The following JPH2 variants were observed in gnomAD, a reference collection of about 807,000 sequenced individuals.
JPH2 encodes junctophilin 2, also known as junctophilin-2.
A neutral mutation model predicts 55.9 loss-of-function variants in JPH2; 38 were observed. That is an observed-to-expected ratio of 0.68 (90% confidence interval 0.52 to 0.89). The LOEUF is 0.89. JPH2 is among the 40% of genes least tolerant of loss of function. The pLI is 0.00. For missense variants in JPH2, 964 were observed against 1,037.6 expected (o/e 0.93, Z 0.97); for synonymous variants, 480 against 472.4 (o/e 1.02, Z -0.21).
rs925270705 is a variant in JPH2 at position 44,109,638 on chromosome 20, C to T, written c.*3880G>A. Among the ~76,000 whole-genome samples, 1 of 152,156 alleles carries T rather than the reference C, an allele frequency of 6.6e-6. No individual in the cohort carries two copies. Among genetic ancestry groups the T allele is most frequent in the Non-Finnish European group, 1.5e-5 (1 of 68,032 alleles). ...GTCAGAGTTTTGCACAAAACAAGAA[C>T]CTAAGAGCTATTTTAATTTCAGCAT... is the stretch of plus-strand genomic sequence containing the variant. On this transcript the variant is annotated 3_prime_UTR_variant, in exon 6 of 6. Transcript: ENST00000372980.
intron 1 of JPH2, among the ~76,000 whole-genome samples, chr20:44,172,592 A>C (rs1003633561): frequency 2.6e-5 from 4 of 152,204 alleles, no homozygotes; most frequent in African/African-American, 9.6e-5. Flanking sequence ...TCCTGGGCTA[A>C]AGTGATCCTC....
rs374504379 is a variant in JPH2 at position 44,110,261 on chromosome 20, C to T, written c.*3257G>A. Among the ~76,000 whole-genome samples the T allele has an allele frequency of 6.6e-6, 1 of 152,194 alleles. No individual in the cohort carries two copies. The highest frequency in any genetic ancestry group is 2.1e-4 in the South Asian group (1 of 4,818). On this transcript the variant is annotated 3_prime_UTR_variant, in exon 6 of 6. Transcript: ENST00000372980. ...ACACAGACACACCCCATCTGCAGAC[C>T]GGCCAACTGGGCTGGCTGCCCACCT...
intron 2 of JPH2, among the ~76,000 whole-genome samples, chr20:44,150,209 G>T (rs1387851333): frequency 1.3e-5 from 2 of 151,564 alleles, no homozygotes; most frequent in Admixed American, 6.6e-5. Context: ...TAAAAAAAAT[G>T]AGGAGGATGG....
At position 44,107,792 on chromosome 20, in the gene JPH2, C is replaced by T. The variant is rs1256703254; in HGVS notation, c.*5726G>A. Among the ~76,000 whole-genome samples, 2 of 152,200 alleles carry T rather than the reference C, an allele frequency of 1.3e-5. No individual in the cohort carries two copies. Among genetic ancestry groups the T allele is most frequent in the African/African-American group, 4.8e-5 (2 of 41,434 alleles). On this transcript the variant is annotated 3_prime_UTR_variant, in exon 6 of 6. Transcript: ENST00000372980. ...GAGAAGCTGTGGATAGGAAGAGATA[C>T]AGGGTTGTGTAGTTAGCAACTGGGC... is the stretch of plus-strand genomic sequence containing the variant.
At chr20:44,121,615 C>T (rs1213838545) in intron 2 of JPH2, among the ~76,000 whole-genome samples, 3 of 103,932 alleles carry the variant, frequency 2.9e-5, no homozygotes, top group Non-Finnish European at 4.1e-5. Context: ...ATTAACTTAA[C>T]CCCCCAATAA....
At chr20:44,134,898 TTA>T (rs1171262872) in intron 2 of JPH2, among the ~76,000 whole-genome samples, 12 of 36,618 alleles carry the variant, frequency 3.3e-4, no homozygotes, top group Middle Eastern at 0.013. Context: ...TAATATATAT[TTA>T]TATATATATA....
rs2145894951 is a variant in JPH2 at position 44,177,204 on chromosome 20, G to A, written c.379+9123C>T. On this transcript the variant is annotated intron_variant, in intron 1 of 5. Coordinates refer to ENST00000372980, the MANE Select transcript of JPH2 (RefSeq NM_020433.5). ...CTCGGGAAGGGATAGGTGAGAACAA[G>A]GATAACCCTCCAAGGCAGGAAGTCT... 4 of 985,620 alleles carry A rather than the reference G, an allele frequency of 4.1e-6. No homozygotes were observed. In the South Asian group the frequency reaches 1.4e-4, roughly 35 times the overall value. 61.1% of individuals were successfully genotyped at this position (985,620 alleles called of 1,614,324 possible). A position where few individuals can be genotyped will look rare whatever the true frequency, so the allele number is the denominator to read the frequency against.
intron 1 of JPH2, chr20:44,177,472 C>T (rs751756223): frequency 3.2e-5 from 32 of 991,798 alleles, no homozygotes; most frequent in Non-Finnish European, 3.6e-5. Context: ...TCACTGAAAA[C>T]AAGGCCGTGG....
rs984065543 is a variant in JPH2 at position 44,116,276 on chromosome 20, G to A, written c.1399C>T (p.Arg467Cys). The A allele has an allele frequency of 9.8e-6, 15 of 1,530,170 alleles. No individual in the cohort carries two copies. Among genetic ancestry groups the A allele is most frequent in the South Asian group, 4.8e-5 (4 of 82,968 alleles). The allele number at this position is 1,530,170 out of a possible 1,614,324, so 94.8% of individuals were successfully genotyped here. A position where few individuals can be genotyped will look rare whatever the true frequency, so the allele number is the denominator to read the frequency against. ...AGAAGLPQPP[R>C]ESPQLHERET... ...CGCTCGTGCAGCTGCGGGCTCTCGC[G>A]GGGCGGCTGTGGGAGGCCCGCTGCG... is the stretch of plus-strand genomic sequence containing the variant. The change falls in exon 4 of 6, where the codon CGC becomes TGC. Residue 467 changes from arginine to cysteine, a missense_variant. Transcript: ENST00000372980.
intron 2 of JPH2, among the ~76,000 whole-genome samples, chr20:44,140,018 C>T (rs767540121): frequency 2.0e-5 from 3 of 152,018 alleles, no homozygotes; most frequent in Non-Finnish European, 4.4e-5. Flanking sequence ...ACTACAGGCG[C>T]GTGCCACCTT....
At position 44,110,456 on chromosome 20, in the gene JPH2, G is replaced by A. The variant is rs1415443570; in HGVS notation, c.*3062C>T. ...TTTTTTTTTTTCCAGATGGAGTCTTGCTCTGTCACCCAGGCTGGAGTGCAG... is the reference window on the plus strand; with the variant it reads ...TTTTTTTTTTTCCAGATGGAGTCTTACTCTGTCACCCAGGCTGGAGTGCAG... On this transcript the variant is annotated 3_prime_UTR_variant, in exon 6 of 6. Coordinates refer to ENST00000372980, the MANE Select transcript of JPH2 (RefSeq NM_020433.5). Among the ~76,000 whole-genome samples, 1 of 149,448 alleles carries A rather than the reference G, an allele frequency of 6.7e-6. No individual in the cohort carries two copies. Among genetic ancestry groups the A allele is most frequent in the African/African-American group, 2.5e-5 (1 of 40,382 alleles).
chr20:44,148,491 T>C (rs1378544901), intron 2 of JPH2, among the ~76,000 whole-genome samples: 2 of 151,978 alleles, frequency 1.3e-5, no homozygotes, highest in East Asian at 1.9e-4. Flanking sequence ...GGAAAGGGAG[T>C]GTGGTGAGGA....
chr20:44,159,686 C>T lies in JPH2; in HGVS notation c.1101G>A (p.Glu367=). ...CGCGCTGGGCACCCTCCACACTGTGCTCCACTTTCTGGCGGACCTTGTTGC... is the reference window on the plus strand; with the variant it reads ...CGCGCTGGGCACCCTCCACACTGTGTTCCACTTTCTGGCGGACCTTGTTGC... ...LKSNKVRQKV[E]HSVEGAQRAA... Residue 367 remains glutamate, a synonymous_variant, in exon 2 of 6, where the codon GAG becomes GAA. Transcript: ENST00000372980. This position sits in a 1 kb window ranked among gnomAD's most constrained non-coding sequence, Gnocchi z 5.7. The T allele has an allele frequency of 1.2e-6, 2 of 1,612,718 alleles. No individual in the cohort carries two copies. Among genetic ancestry groups the T allele is most frequent in the Non-Finnish European group, 8.5e-7 (1 of 1,179,964 alleles).
intron 1 of JPH2, among the ~76,000 whole-genome samples, chr20:44,162,745 C>CATATATATAT (rs1157323951): frequency 1.9e-5 from 1 of 52,472 alleles, no homozygotes; most frequent in African/African-American, 8.5e-5. Flanking sequence ...AATAAACTTC[C>CATATATATAT]ATATATATAT....
In JPH2 at chr20:44,107,579, C is replaced by A. The variant is rs1253132969; in HGVS notation, c.*5939G>T. ...CAAAAAAGCCCTAGGATATGTAGAACCACAGATGGAAAAAACCTGGGTCCC... is the reference window on the plus strand; with the variant it reads ...CAAAAAAGCCCTAGGATATGTAGAAACACAGATGGAAAAAACCTGGGTCCC... On this transcript the variant is annotated 3_prime_UTR_variant, in exon 6 of 6. Coordinates refer to ENST00000372980, the MANE Select transcript of JPH2 (RefSeq NM_020433.5). Among the ~76,000 whole-genome samples, 1 of 152,134 alleles carries A rather than the reference C, an allele frequency of 6.6e-6. No individual in the cohort carries two copies. The highest frequency in any genetic ancestry group is 2.1e-4 in the South Asian group (1 of 4,826).
At chr20:44,166,666 G>A (rs895421050) in intron 1 of JPH2, among the ~76,000 whole-genome samples, 2 of 152,148 alleles carry the variant, frequency 1.3e-5, no homozygotes, top group Admixed American at 6.5e-5. Context: ...CAGGGCCCTG[G>A]GAAGGGGAAA....
intron 2 of JPH2, among the ~76,000 whole-genome samples, chr20:44,143,146 C>T (rs569273975): frequency 3.9e-5 from 6 of 152,256 alleles, no homozygotes; most frequent in South Asian, 4.2e-4. Context: ...GGAAAGAGAA[C>T]GGCCCTTTGA....
chr20:44,163,978 G>T (rs112194734), intron 1 of JPH2, among the ~76,000 whole-genome samples: 1 of 152,156 alleles, frequency 6.6e-6, no homozygotes. Flanking sequence ...AGACAGAAAT[G>T]GAGAAGAAAG....
intron 2 of JPH2, among the ~76,000 whole-genome samples, chr20:44,156,001 A>C (rs1395956472): frequency 6.6e-6 from 1 of 150,842 alleles, no homozygotes; most frequent in Non-Finnish European, 1.5e-5. Context: ...GCACCACTGC[A>C]CTCCAGCCTG....
Sources: gnomAD v4.1 joint callset for allele counts (sites outside exome capture counted in the v4.1 genomes callset) on GRCh38, gnomAD v4.1.1 for gene constraint, Gnocchi (gnomAD v3.1) non-coding constraint, MANE v1.5 for transcripts, NCBI Gene and HGNC (gene_info 2026-07-23, HGNC 2026-07-21) for gene names.